Variants in PPFIBP1 observed in about 807,000 individuals in gnomAD.
PPFIBP1 encodes the protein liprin-beta-1.
Under a neutral mutation model 137.8 loss-of-function variants are expected in PPFIBP1, and 112 were observed. That is an observed-to-expected ratio of 0.81 (90% CI 0.70 to 0.95). The LOEUF is 0.95. Among genes scored for constraint, PPFIBP1 ranks in the 40% least tolerant of loss-of-function variants. The probability of loss-of-function intolerance (pLI) is 0.00; values close to 1 mark genes in which losing one functional copy is unlikely to be tolerated. For missense variants in PPFIBP1, 1,083 were observed against 1,196.6 expected, an observed-to-expected ratio of 0.91 and a Z score of 1.40; for synonymous variants, 378 against 417.3, an observed-to-expected ratio of 0.91 and a Z score of 1.15.
chr12:27,601,977 TGG>T (rs1489404643), intron 2 of PPFIBP1, among the ~76,000 whole-genome samples: 1 of 152,206 alleles, frequency 6.6e-6, no homozygotes, highest in African/African-American at 2.4e-5. Context: ...ACATTTCAAG[TGG>T]TTAGTGACCA....
chr12:27,620,682 T>G (rs2056259855), intron 2 of PPFIBP1, among the ~76,000 whole-genome samples: 1 of 151,968 alleles, frequency 6.6e-6, no homozygotes, highest in South Asian at 2.1e-4. Flanking sequence ...TTTGATCACT[T>G]TCTGTGCCTC....
chr12:27,612,244 G>A (rs192256588), intron 2 of PPFIBP1, among the ~76,000 whole-genome samples: 12 of 151,702 alleles, frequency 7.9e-5, no homozygotes, highest in African/African-American at 2.9e-4. Flanking sequence ...CAGTTTCTGG[G>A]AGGTCAAGGT....
At chr12:27,653,297 A>G (rs1239089429) in intron 7 of PPFIBP1, among the ~76,000 whole-genome samples, 1 of 152,128 alleles carries the variant, frequency 6.6e-6, no homozygotes, top group Non-Finnish European at 1.5e-5. Flanking sequence ...GTAAAAAGAG[A>G]GAAGCTGGCC....
chr12:27,563,443 C>A (rs1030504637), intron 1 of PPFIBP1, among the ~76,000 whole-genome samples: 1 of 130,812 alleles, frequency 7.6e-6, no homozygotes. Flanking sequence ...GGCAACAGAG[C>A]GAGACTCCAT....
At chr12:27,555,190 C>A (rs1363403893) in intron 1 of PPFIBP1, among the ~76,000 whole-genome samples, 1 of 152,168 alleles carries the variant, frequency 6.6e-6, no homozygotes, top group Non-Finnish European at 1.5e-5. Context: ...TCCCCTTCGA[C>A]AATAAGGTTC....
At chr12:27,612,603 C>A (rs562838304) in intron 2 of PPFIBP1, among the ~76,000 whole-genome samples, 2 of 152,060 alleles carry the variant, frequency 1.3e-5, no homozygotes, top group African/African-American at 4.8e-5. Flanking sequence ...CCCGTCTCAG[C>A]CTCCGAAAGT....
intron 2 of PPFIBP1, among the ~76,000 whole-genome samples, chr12:27,624,045 C>T (rs985673362): frequency 4.6e-5 from 7 of 152,002 alleles, no homozygotes; most frequent in Admixed American, 3.9e-4. Context: ...ATGCATGACC[C>T]ACCTTGAAAA....
At chr12:27,526,986 A>T (rs916465133) in intron 1 of PPFIBP1, among the ~76,000 whole-genome samples, 3 of 152,102 alleles carry the variant, frequency 2.0e-5, no homozygotes, top group African/African-American at 4.8e-5. Flanking sequence ...TCACCGAGGG[A>T]CAGTTAATTA....
intron 1 of PPFIBP1, among the ~76,000 whole-genome samples, chr12:27,565,913 C>T (rs559031758): frequency 7.1e-6 from 1 of 140,450 alleles, no homozygotes; most frequent in South Asian, 2.2e-4. Context: ...ACTCACTTTT[C>T]CTTCTTAAAT....
intron 4 of PPFIBP1, among the ~76,000 whole-genome samples, chr12:27,637,754 A>G (rs564386776): frequency 6.6e-6 from 1 of 152,268 alleles, no homozygotes; most frequent in African/African-American, 2.4e-5. Context: ...GTCACCACAC[A>G]CCTACCACGA....
Position 27,681,550 on chromosome 12 carries a change from T to C in PPFIBP1, c.1900T>C (p.Leu634=). 4.3e-6 allele frequency: 7 copies of C among 1,614,040 alleles called. No individual in the cohort carries two copies. Among genetic ancestry groups the C allele is most frequent in the Non-Finnish European group, 5.9e-6 (7 of 1,179,898 alleles). Residue 634 remains leucine, a synonymous_variant, in exon 22 of 30, where the codon TTG becomes CTG. Transcript: ENST00000228425. ...SRDLGQSNSD[L]DMPFAKWTKE... is the part of the protein sequence containing the mutation. ...CAATTACTCATTTTCCTGTAGTGAC[T>C]TGGATATGCCATTTGCCAAGTGGAC...
intron 14 of PPFIBP1, 39 bp from the exon 15 acceptor site, chr12:27,672,388 C>T (rs747622624): frequency 1.8e-5 from 27 of 1,508,332 alleles, no homozygotes; most frequent in Admixed American, 3.5e-5. Flanking sequence ...GTCTTTTATT[C>T]GTGAAGTTAA....
At chr12:27,567,011 T>G (rs1384706121) in intron 1 of PPFIBP1, among the ~76,000 whole-genome samples, 2 of 152,242 alleles carry the variant, frequency 1.3e-5, no homozygotes, top group Non-Finnish European at 2.9e-5. Context: ...TTATCTTCCA[T>G]ATTACTCAGT....
chr12:27,527,255 CT>C (rs1275471414), intron 1 of PPFIBP1, among the ~76,000 whole-genome samples: 73 of 146,054 alleles, frequency 5.0e-4, no homozygotes, highest in Admixed American at 7.5e-4. Context: ...TTTCTTTTTT[CT>C]TTTTTTTTTT....
intron 4 of PPFIBP1, among the ~76,000 whole-genome samples, chr12:27,642,620 C>T (rs1473300096): frequency 7.2e-5 from 11 of 151,856 alleles, no homozygotes; most frequent in South Asian, 2.1e-4. Context: ...AAGGTCAGCC[C>T]GTAGATGGGG....
intron 24 of PPFIBP1, among the ~76,000 whole-genome samples, chr12:27,683,998 A>T (rs1021478232): frequency 1.3e-5 from 2 of 152,202 alleles, no homozygotes; most frequent in Non-Finnish European, 2.9e-5. Context: ...CATGTTAGCC[A>T]GGATGGTCTC....
At chr12:27,637,222 T>C (rs1175807670) in intron 4 of PPFIBP1, 1 of 152,224 alleles carries the variant, frequency 6.6e-6, no homozygotes, top group East Asian at 1.9e-4. Flanking sequence ...TTTAAAAAAA[T>C]TACTGTATCC....
chr12:27,629,461 A>G (rs774206750), intron 2 of PPFIBP1, among the ~76,000 whole-genome samples: 16 of 152,134 alleles, frequency 1.1e-4, no homozygotes, highest in Non-Finnish European at 2.2e-4. Context: ...ATCGTAGGTT[A>G]CCTGTTCTTG....
At position 27,671,473 on chromosome 12, in the gene PPFIBP1, C is replaced by A; in HGVS notation, c.1189C>A (p.Pro397Thr). Residue 397 changes from proline (P) to threonine (T), a missense_variant, in exon 14 of 30, where the codon CCA becomes ACA. Physicochemically the swap from Pro to Thr is conservative, Grantham distance 38 (BLOSUM62 -1). Coordinates refer to ENST00000228425, the MANE Select transcript of PPFIBP1 (RefSeq NM_003622.4). Reference protein sequence around the residue: ...ILQVSIPSLLPATVSMETSEK... With the variant: ...ILQVSIPSLLTATVSMETSEK... ...GCAAGTTTCCATCCCTTCATTATTG[C>A]CAGCAACTGTAAGCATGGAAACTTC... is the stretch of plus-strand genomic sequence containing the variant. 6.2e-7 allele frequency: 1 copy of A among 1,600,664 alleles called. No homozygotes were observed.
Sources: allele counts gnomAD v4.1 joint callset (sites outside exome capture counted in the v4.1 genomes callset), GRCh38; gene constraint gnomAD v4.1.1; transcripts MANE v1.5; gene names NCBI Gene and HGNC (gene_info 2026-07-23, HGNC 2026-07-21).